Variants in IGSF21 observed in about 807,000 individuals in gnomAD.
IGSF21 encodes immunoglobulin superfamily member 21.
A neutral mutation model predicts 46.8 loss-of-function variants in IGSF21; 28 were observed. That is an observed-to-expected ratio of 0.60 (90% CI 0.44 to 0.82). The LOEUF is 0.82. Ranked by LOEUF, IGSF21 falls within the 40% of genes least tolerant of loss-of-function variation. The pLI is 0.00. For synonymous variants in IGSF21, 284 were observed against 273.6 expected, an observed-to-expected ratio of 1.04 and a Z score of -0.38; for missense variants, 624 against 665.5, an observed-to-expected ratio of 0.94 and a Z score of 0.69.
At chr1:18,260,555 C>G (rs1358007552) in intron 2 of IGSF21, among the ~76,000 whole-genome samples, 1 of 152,238 alleles carries the variant, frequency 6.6e-6, no homozygotes, top group Non-Finnish European at 1.5e-5. Flanking sequence ...CCTATTTATA[C>G]CCACTTTCAA....
intron 1 of IGSF21, among the ~76,000 whole-genome samples, chr1:18,128,471 C>G (rs2124414308): frequency 6.6e-6 from 1 of 152,306 alleles, no homozygotes; most frequent in South Asian, 2.1e-4. Flanking sequence ...GGGGCCTTCT[C>G]TGGACTCTGA....
At chr1:18,245,815 T>C (rs1442689013) in intron 2 of IGSF21, among the ~76,000 whole-genome samples, 1 of 152,160 alleles carries the variant, frequency 6.6e-6, no homozygotes, top group Non-Finnish European at 1.5e-5. Flanking sequence ...AGGGGCCTTA[T>C]GAGGGAATGA....
At chr1:18,377,574 G>C (rs1164974887) in intron 9 of IGSF21, 143 bp downstream of exon 9, 2 of 731,054 alleles carry the variant, frequency 2.7e-6, no homozygotes, top group African/African-American at 1.8e-5. Flanking sequence ...TAGTAGGGCA[G>C]AGTCAGGGTC....
At chr1:18,264,328 G>T (rs764874931) in intron 2 of IGSF21, among the ~76,000 whole-genome samples, 2 of 152,136 alleles carry the variant, frequency 1.3e-5, no homozygotes, top group Non-Finnish European at 2.9e-5. Context: ...TAAATTAAAT[G>T]AGATAATATA....
intron 3 of IGSF21, among the ~76,000 whole-genome samples, chr1:18,328,581 G>C (rs926853961): frequency 5.9e-5 from 9 of 152,146 alleles, no homozygotes; most frequent in African/African-American, 2.2e-4. Context: ...GGTGCTTAAC[G>C]ATTTGTTTTA....
intron 2 of IGSF21, among the ~76,000 whole-genome samples, chr1:18,246,801 G>A (rs1486219719): frequency 2.0e-5 from 3 of 152,154 alleles, no homozygotes; most frequent in Admixed American, 1.3e-4. Context: ...AAGTCCTCAG[G>A]CTCTGCACCC....
chr1:18,172,527 A>G (rs1007762147), intron 1 of IGSF21, among the ~76,000 whole-genome samples: 1 of 152,184 alleles, frequency 6.6e-6, no homozygotes, highest in Non-Finnish European at 1.5e-5. Flanking sequence ...TGACTTGTAG[A>G]TGGCCGCCTT....
intron 1 of IGSF21, among the ~76,000 whole-genome samples, chr1:18,216,240 A>G (rs1369587526): frequency 6.6e-6 from 1 of 152,090 alleles, no homozygotes; most frequent in African/African-American, 2.4e-5. Context: ...CACAGGGAAA[A>G]ATAATTGGAG....
chr1:18,376,538 A>G lies in IGSF21; in HGVS notation c.1101+143A>G, dbSNP rs74056450. ...GTGGGTTTCAGTTTCCCAATGTGTA[A>G]TTGGGAGAATCAGCTCCCATGAGGA... On this transcript the variant is annotated intron_variant, in intron 7 of 9. Transcript: ENST00000251296. 2,692 of 749,242 alleles carry G rather than the reference A, an allele frequency of 3.6e-3. 29 individuals carry two copies. Among genetic ancestry groups the G allele is most frequent in the African/African-American group, 0.029 (1,660 of 57,996 alleles). The allele number at this position is 749,242 out of a possible 1,614,324, so 46.4% of individuals were successfully genotyped here. A position where few individuals can be genotyped will look rare whatever the true frequency, so the allele number is the denominator to read the frequency against.
At chr1:18,273,383 TC>T (rs2085063733) in intron 2 of IGSF21, among the ~76,000 whole-genome samples, 3 of 146,628 alleles carry the variant, frequency 2.0e-5, no homozygotes, top group East Asian at 4.0e-4. Flanking sequence ...TCCTTTCCTT[TC>T]CTTTCCTTTC....
At chr1:18,243,634 C>T (rs1027962399) in intron 2 of IGSF21, among the ~76,000 whole-genome samples, 3 of 152,126 alleles carry the variant, frequency 2.0e-5, no homozygotes, top group Admixed American at 2.0e-4. Flanking sequence ...AACAATAAAA[C>T]CCGGGAGGCA....
intron 1 of IGSF21, among the ~76,000 whole-genome samples, chr1:18,182,082 G>A (rs189644695): frequency 1.2e-3 from 185 of 152,106 alleles, no homozygotes; most frequent in African/African-American, 4.1e-3. Flanking sequence ...TTTATTTATC[G>A]GGACAAGTCC....
At chr1:18,330,017 C>T (rs2085696865) in intron 3 of IGSF21, among the ~76,000 whole-genome samples, 1 of 152,204 alleles carries the variant, frequency 6.6e-6, no homozygotes, top group Non-Finnish European at 1.5e-5. Context: ...CTGATCTCTC[C>T]AGAAACCTTT....
chr1:18,159,322 C>T (rs772980137), intron 1 of IGSF21, among the ~76,000 whole-genome samples: 13 of 152,236 alleles, frequency 8.5e-5, no homozygotes, highest in South Asian at 2.1e-4. Context: ...AACAGGGGGC[C>T]GAAGAAATGT....
intron 2 of IGSF21, among the ~76,000 whole-genome samples, chr1:18,276,240 G>A (rs1036534121): frequency 6.6e-6 from 1 of 152,202 alleles, no homozygotes; most frequent in Non-Finnish European, 1.5e-5. Context: ...TTCCCCTGGT[G>A]TCTGCTGGGA....
chr1:18,194,385 A>C lies in IGSF21; in HGVS notation c.71-33513A>C, dbSNP rs545632145. 1.8e-4 allele frequency among the ~76,000 whole-genome samples: 28 copies of C among 152,340 alleles called. No homozygotes were observed. The South Asian group carries it at 5.8e-3, about 32-fold the overall frequency. ...GATCATAGACTGGGTGGCTTAGAAC[A>C]ACAGAAATGTATTCCTTTGAAGTTT... On this transcript the variant is annotated intron_variant, in intron 1 of 9. Coordinates refer to ENST00000251296, the MANE Select transcript of IGSF21 (RefSeq NM_032880.5).
At chr1:18,233,066 T>C (rs533816943) in intron 2 of IGSF21, among the ~76,000 whole-genome samples, 1 of 152,330 alleles carries the variant, frequency 6.6e-6, no homozygotes, top group Admixed American at 6.5e-5. Context: ...CAGAGAATCA[T>C]GGGAGTTTAA....
intron 2 of IGSF21, among the ~76,000 whole-genome samples, chr1:18,248,907 C>A (rs372464386): frequency 6.6e-6 from 1 of 152,026 alleles, no homozygotes; most frequent in South Asian, 2.1e-4. Context: ...ATGGACCCCC[C>A]CAAGCCAGAC....
At chr1:18,146,991 G>A (rs1035486818) in intron 1 of IGSF21, among the ~76,000 whole-genome samples, 3 of 152,222 alleles carry the variant, frequency 2.0e-5, no homozygotes, top group Middle Eastern at 3.4e-3. Context: ...TGCTCTCTAC[G>A]CCTGGTCCAG....
Sources: gnomAD v4.1 joint callset for allele counts (sites outside exome capture counted in the v4.1 genomes callset) on GRCh38, gnomAD v4.1.1 for gene constraint, MANE v1.5 for transcripts, NCBI Gene and HGNC (gene_info 2026-07-23, HGNC 2026-07-21) for gene names.